The following SLC45A3 variants were observed in gnomAD, a reference collection of about 807,000 sequenced individuals.
SLC45A3 encodes the protein prostate cancer associated protein 2.
A neutral mutation model predicts 35.3 loss-of-function variants in SLC45A3; 17 were observed. The ratio of observed to expected loss-of-function variants is 0.48; its 90% CI spans 0.33 to 0.72. SLC45A3 has a LOEUF of 0.72. Among genes scored for constraint, SLC45A3 ranks in the 30% least tolerant of loss-of-function variants. SLC45A3 has a pLI of 0.02. For synonymous variants in SLC45A3, 288 were observed against 334.3 expected, an observed-to-expected ratio of 0.86 and a Z score of 1.51; for missense variants, 597 against 731.7, an observed-to-expected ratio of 0.82 and a Z score of 2.12.
At position 205,669,891 on chromosome 1, in the gene SLC45A3, G is replaced by A. The variant is rs1671181048; in HGVS notation, c.-230-5005C>T. On this transcript the variant is annotated intron_variant, in intron 1 of 4. Transcript: ENST00000367145. The surrounding 1 kb of genome is among the most constrained non-coding windows in gnomAD (Gnocchi z 4.1). The stretch of plus-strand genomic sequence containing the variant: ...ACCCCACCAAGGCTGCCCTGCCCCA[G>A]GTCAGTGAGATGGCAGAGAAGGGGC... Among the ~76,000 whole-genome samples, 1 of 152,176 alleles carries A rather than the reference G, an allele frequency of 6.6e-6. No individual in the cohort carries two copies. The highest frequency in any genetic ancestry group is 1.5e-5 in the Non-Finnish European group (1 of 68,024).
chr1:205,675,403 G>C (rs1359332783), intron 1 of SLC45A3, among the ~76,000 whole-genome samples: 1 of 152,190 alleles, frequency 6.6e-6, no homozygotes, highest in Admixed American at 6.5e-5. Context: ...TAAGGGGTAA[G>C]AGACAGGAGA....
intron 1 of SLC45A3, among the ~76,000 whole-genome samples, chr1:205,680,045 T>TCGGCCCGGCCCGGCCCGGC (rs1558038856): frequency 9.4e-5 from 14 of 149,040 alleles, no homozygotes; most frequent in Non-Finnish European, 1.8e-4. Context: ...CCCGGCCCGG[T>TCGGCCCGGCCCGGCCCGGC]CCGGCCCGGC....
At chr1:205,678,788 G>C (rs1485112428) in intron 1 of SLC45A3, among the ~76,000 whole-genome samples, 3 of 152,174 alleles carry the variant, frequency 2.0e-5, no homozygotes, top group African/African-American at 7.2e-5. Flanking sequence ...CTGGCTCCAC[G>C]ACAGGCCTGG....
rs112251160 is a variant in SLC45A3, at chr1:205,672,397, A to G, written c.-230-7511T>C. ...AGGTAGAAGGTGGGACAAAGATCCC[A>G]TAGTTATGAGACAGCACGATTTCCA... is the stretch of plus-strand genomic sequence containing the variant. On this transcript the variant is annotated intron_variant, in intron 1 of 4. Transcript: ENST00000367145. Among the ~76,000 whole-genome samples the G allele has an allele frequency of 5.4e-3, 830 of 152,358 alleles. 7 individuals are homozygous for G. The highest frequency in any genetic ancestry group is 0.019 in the African/African-American group (796 of 41,574).
intron 1 of SLC45A3, among the ~76,000 whole-genome samples, chr1:205,674,836 C>T (rs1671284143): frequency 6.6e-6 from 1 of 151,932 alleles, no homozygotes; most frequent in African/African-American, 2.4e-5. Context: ...CTGCCTCCAC[C>T]TCCCAAGTAG....
intron 1 of SLC45A3, among the ~76,000 whole-genome samples, chr1:205,675,866 G>A (rs1671305954): frequency 6.6e-6 from 1 of 152,108 alleles, no homozygotes; most frequent in Non-Finnish European, 1.5e-5. Context: ...AATCTCAACT[G>A]CTCTAACCAG....
chr1:205,679,631 G>T (rs1671368105), intron 1 of SLC45A3, among the ~76,000 whole-genome samples: 1 of 151,460 alleles, frequency 6.6e-6, no homozygotes, highest in Admixed American at 6.6e-5. Flanking sequence ...GGAGAAAACA[G>T]CGGCCTTTCT....
chr1:205,663,154 C>A lies in SLC45A3; in HGVS notation c.637G>T (p.Ala213Ser). Residue 213 changes from alanine to serine, a missense_variant, in exon 3 of 5, where the codon GCC becomes TCC. This residue lies in a region of SLC45A3 where 555 missense variants were observed against 664.9 expected (regional missense o/e 0.83). Coordinates refer to ENST00000367145, the MANE Select transcript of SLC45A3 (RefSeq NM_033102.3). ...GCCTCCTCAGCCACCAGCAGTGTGG[C>A]TGCTACGCAGGTGAGGAAGATGAGG... is the stretch of plus-strand genomic sequence containing the variant. ...LTLIFLTCVA[A>S]TLLVAEEAAL... The A allele has an allele frequency of 6.2e-7, 1 of 1,612,496 alleles. No individual in the cohort carries two copies. Among genetic ancestry groups the A allele is most frequent in the South Asian group, 1.1e-5 (1 of 90,990 alleles).
chr1:205,674,006 C>T (rs566552207), intron 1 of SLC45A3, among the ~76,000 whole-genome samples: 2 of 152,298 alleles, frequency 1.3e-5, no homozygotes, highest in Admixed American at 6.5e-5. Flanking sequence ...AACAACTGAT[C>T]GCAGCTCCCT....
chr1:205,675,726 C>A (rs1446769893), intron 1 of SLC45A3, among the ~76,000 whole-genome samples: 2 of 152,128 alleles, frequency 1.3e-5, no homozygotes, highest in African/African-American at 2.4e-5. Flanking sequence ...CCAAGGTGGT[C>A]ACCGTGCTCC....
At chr1:205,675,238 G>A (rs1415794384) in intron 1 of SLC45A3, among the ~76,000 whole-genome samples, 2 of 152,186 alleles carry the variant, frequency 1.3e-5, no homozygotes, top group African/African-American at 2.4e-5. Flanking sequence ...AAACAAGGCA[G>A]GTCAGATCAT....
At position 205,662,788 on chromosome 1, in the gene SLC45A3, G is replaced by A; in HGVS notation, c.958+45C>T. The stretch of plus-strand genomic sequence containing the variant: ...GACACAGCCCCGAGTGTCGTCTCTG[G>A]TGGGCGGCTCCCACACCAGCCTCTG... On this transcript the variant is annotated intron_variant, in intron 3 of 4. Transcript: ENST00000367145. The surrounding 1 kb of genome is among the most constrained non-coding windows in gnomAD (Gnocchi z 6.2). 6.5e-7 allele frequency: 1 copy of A among 1,531,690 alleles called. No homozygotes were observed. Among genetic ancestry groups the A allele is most frequent in the South Asian group, 1.3e-5 (1 of 78,184 alleles). The allele number at this position is 1,531,690 out of a possible 1,614,324, so 94.9% of individuals were successfully genotyped here.
In SLC45A3 at chr1:205,662,496, G is replaced by T. The variant is rs917409196; in HGVS notation, c.958+337C>A. On this transcript the variant is annotated intron_variant, in intron 3 of 4. Coordinates refer to ENST00000367145, the MANE Select transcript of SLC45A3 (RefSeq NM_033102.3). The surrounding 1 kb of genome is among the most constrained non-coding windows in gnomAD (Gnocchi z 6.2). Reference sequence around the variant, plus strand: ...TGAGATTATTTGGAAAGTCGTTGGGGGAGCAGAGGGCACACTGCGGCTGGA... The same window carrying T: ...TGAGATTATTTGGAAAGTCGTTGGGTGAGCAGAGGGCACACTGCGGCTGGA... The T allele has an allele frequency of 5.4e-6, 7 of 1,285,920 alleles. No individual in the cohort carries two copies. In the African/African-American group the frequency reaches 1.1e-4, roughly 19 times the overall value. The allele number at this position is 1,285,920 out of a possible 1,614,324, so 79.7% of individuals were successfully genotyped here. A position where few individuals can be genotyped will look rare whatever the true frequency, so the allele number is the denominator to read the frequency against.
In SLC45A3 at chr1:205,659,723, C is replaced by G. The variant is rs2102401573; in HGVS notation, c.1225-52G>C. On this transcript the variant is annotated intron_variant, in intron 4 of 4. Transcript: ENST00000367145. The surrounding 1 kb of genome is among the most constrained non-coding windows in gnomAD (Gnocchi z 5.8). ...GAAGAGGACAGGTGTGTACCCAGCA[C>G]TGGCACCACCCCAGCTGTGAGAACA... 6.8e-7 allele frequency: 1 copy of G among 1,478,400 alleles called. No individual in the cohort carries two copies. Among genetic ancestry groups the G allele is most frequent in the Non-Finnish European group, 9.0e-7 (1 of 1,107,058 alleles). The allele number at this position is 1,478,400 out of a possible 1,614,324, so 91.6% of individuals were successfully genotyped here.
chr1:205,677,451 C>T (rs1484253179), intron 1 of SLC45A3, among the ~76,000 whole-genome samples: 9 of 152,234 alleles, frequency 5.9e-5, no homozygotes, highest in Non-Finnish European at 1.3e-4. Flanking sequence ...AGCTGCTGTG[C>T]TCAGAGCTTT....
intron 1 of SLC45A3, among the ~76,000 whole-genome samples, chr1:205,675,800 C>T (rs994710230): frequency 6.6e-6 from 1 of 152,164 alleles, no homozygotes; most frequent in African/African-American, 2.4e-5. Flanking sequence ...TCCAATCTCA[C>T]ACCTCCTCCA....
intron 1 of SLC45A3, among the ~76,000 whole-genome samples, chr1:205,670,885 G>A (rs1165804906): frequency 6.6e-6 from 1 of 152,210 alleles, no homozygotes; most frequent in African/African-American, 2.4e-5. Flanking sequence ...GGGGCAGAGG[G>A]GGCACACCAC....
In SLC45A3 at chr1:205,661,995, C is replaced by T. The variant is rs1176817777; in HGVS notation, c.1090G>A (p.Val364Met). The T allele has an allele frequency of 6.2e-7, 1 of 1,614,118 alleles. No homozygotes were observed. The highest frequency in any genetic ancestry group is 1.1e-5 in the South Asian group (1 of 91,082). The change falls in exon 4 of 5, where the codon GTG (valine) becomes ATG (methionine). Residue 364 changes from valine (V) to methionine (M), a missense_variant. Coordinates refer to ENST00000367145, the MANE Select transcript of SLC45A3 (RefSeq NM_033102.3). ...VYLASVAAFP[V>M]AAGATCLSHS... ...GACAGGCATGTGGCACCGGCAGCCA[C>T]AGGGAAAGCTGCCACACTGGCCAAA...
At chr1:205,665,892 C>T (rs1171796882) in intron 1 of SLC45A3, among the ~76,000 whole-genome samples, 1 of 152,188 alleles carries the variant, frequency 6.6e-6, no homozygotes, top group Non-Finnish European at 1.5e-5. Context: ...TTAGAAGTGA[C>T]TATGAAAAGC....
Sources: allele counts gnomAD v4.1 joint callset (sites outside exome capture counted in the v4.1 genomes callset), GRCh38; gene constraint gnomAD v4.1.1; regional missense constraint gnomAD v4.1.1; non-coding constraint Gnocchi (gnomAD v3.1); transcripts MANE v1.5; gene names NCBI Gene and HGNC (gene_info 2026-07-23, HGNC 2026-07-21).